LAMA5: variants seen among roughly 807,000 people sequenced by gnomAD.
The protein encoded by LAMA5 is laminin subunit alpha-5.
In LAMA5, 260 loss-of-function variants were observed where a neutral mutation model predicts 433.4. The observed-to-expected ratio is 0.60, with a 90% CI of 0.54 to 0.66. The LOEUF (loss-of-function observed/expected upper bound fraction) is 0.66. LAMA5 is among the 30% of genes least tolerant of loss of function. The probability of loss-of-function intolerance (pLI) is 0.00; values close to 1 mark genes in which losing one functional copy is unlikely to be tolerated. For synonymous variants in LAMA5, 2,620 were observed against 2,226.6 expected (o/e 1.18, Z -4.97); for missense variants, 5,378 against 5,258.5 (o/e 1.02, Z -0.70).
rs1486854190 is a variant in LAMA5 at position 62,325,411 on chromosome 20, C to T, written c.5434G>A (p.Ala1812Thr). 2 of 1,611,838 alleles carry T rather than the reference C, an allele frequency of 1.2e-6. No individual in the cohort carries two copies. The highest frequency in any genetic ancestry group is 3.3e-5 in the Admixed American group (2 of 59,938). The change falls in exon 41 of 80, where the codon GCA (alanine) becomes ACA (threonine). Residue 1812 changes from alanine (A) to threonine (T), a missense_variant. Physicochemically the swap from Ala to Thr is moderately conservative, Grantham distance 58 (BLOSUM62 0). Transcript: ENST00000252999. The stretch of plus-strand genomic sequence containing the variant: ...CCTGCTGGGCTGGCCACCTCCAGTG[C>T]CACCCTGCGCAGGAAGACAGCCGAG... ...ISSAVFLRRV[A>T]LEVASPAGQG...
rs1390457714 is a variant in LAMA5, at chr20:62,309,214, CT to C, written c.*121del. The C allele has an allele frequency of 1.3e-5, 13 of 1,004,788 alleles. No homozygotes were observed. Among genetic ancestry groups the C allele is most frequent in the Non-Finnish European group, 1.8e-5 (13 of 716,478 alleles). The allele number at this position is 1,004,788 out of a possible 1,614,324, so 62.2% of individuals were successfully genotyped here. A position where few individuals can be genotyped will look rare whatever the true frequency, so the allele number is the denominator to read the frequency against. On this transcript the variant is annotated 3_prime_UTR_variant, in exon 80 of 80. Coordinates refer to ENST00000252999, the MANE Select transcript of LAMA5 (RefSeq NM_005560.6). ...TTTAAGAAGCTATAACTTAAACCAT[CT>C]TCAGAAACAAGATCTGTCACCCGTA...
At chr20:62,338,683 C>T (rs1359067339) in intron 11 of LAMA5, 75 bp from the exon 12 acceptor site, 1 of 1,405,082 alleles carries the variant, frequency 7.1e-7, no homozygotes, top group East Asian at 2.4e-5. Context: ...CAAACCTTCC[C>T]TCTCCACAAA....
intron 65 of LAMA5, 32 bp downstream of exon 65, chr20:62,313,056 T>G (rs1226163355): frequency 1.2e-6 from 2 of 1,603,924 alleles, no homozygotes; most frequent in Non-Finnish European, 1.7e-6. Flanking sequence ...TCAGTGCAAG[T>G]GGGGATGGCA....
intron 34 of LAMA5, 131 bp from the exon 35 acceptor site, chr20:62,328,576 G>T: frequency 2.0e-6 from 2 of 996,564 alleles, no homozygotes; most frequent in Non-Finnish European, 2.9e-6. Flanking sequence ...CCCCTGCCCC[G>T]GGTGCTGAGC....
chr20:62,316,936 C>A lies in LAMA5; in HGVS notation c.7599G>T (p.Gln2533His). 1 of 1,562,148 alleles carries A rather than the reference C, an allele frequency of 6.4e-7. No individual in the cohort carries two copies. Among genetic ancestry groups the A allele is most frequent in the Non-Finnish European group, 8.7e-7 (1 of 1,151,008 alleles). The stretch of plus-strand genomic sequence containing the variant: ...CCTGGCCAGCAGCATCCTCGGCAGC[C>A]TGCACGGCCTGCAGGATGCGGCTGT... ...NAYSRILQAV[Q>H]AAEDAAGQAL... The change falls in exon 56 of 80, where the codon CAG (glutamine) becomes CAT (histidine). Residue 2533 changes from glutamine (Q) to histidine (H), a missense_variant. Physicochemically the swap from Gln to His is conservative, Grantham distance 24 (BLOSUM62 0). Coordinates refer to ENST00000252999, the MANE Select transcript of LAMA5 (RefSeq NM_005560.6).
chr20:62,321,283 G>C (rs1231130082), intron 48 of LAMA5, among the ~76,000 whole-genome samples: 10 of 100,380 alleles, frequency 1.0e-4, no homozygotes, highest in South Asian at 3.7e-4. Context: ...GAAGGGGTGG[G>C]GCCGGTGGAG....
At position 62,312,981 on chromosome 20, in the gene LAMA5, T is replaced by C. The variant is rs758212011; in HGVS notation, c.8985A>G (p.Glu2995=). The part of the protein sequence containing the change: ...QSQFLCLAVQ[E]GSLVLLYDFG... ...AGTCATACAACAGCACGAGGCTGCC[T>C]TCTTGCACGGCCAAGCACAGGAACT... The change falls in exon 66 of 80, where the codon GAA becomes GAG. Residue 2995 remains glutamate (E), a synonymous_variant. Coordinates refer to ENST00000252999, the MANE Select transcript of LAMA5 (RefSeq NM_005560.6). 15 of 1,581,214 alleles carry C rather than the reference T, an allele frequency of 9.5e-6. No individual in the cohort carries two copies. Among genetic ancestry groups the C allele is most frequent in the Non-Finnish European group, 1.3e-5 (15 of 1,161,524 alleles).
rs113371619 is a variant in LAMA5 at position 62,327,635 on chromosome 20, C to T, written c.4832G>A (p.Ser1611Asn). 323 of 1,613,194 alleles carry T rather than the reference C, an allele frequency of 2.0e-4. 4 individuals are homozygous for T. The African/African-American group carries it at 3.3e-3, about 17-fold the overall frequency. The change falls in exon 37 of 80, where the codon AGC (serine) becomes AAC (asparagine). Residue 1611 changes from serine to asparagine, a missense_variant. By Grantham distance (46) the Ser-to-Asn change is conservative (BLOSUM62 1). Transcript: ENST00000252999. ...NVQGPKCDQCSLGTFSLDAAN... is the reference protein window; with the variant it reads ...NVQGPKCDQCNLGTFSLDAAN... The stretch of plus-strand genomic sequence containing the variant: ...AGCATCCAGTGAGAAGGTCCCAAGG[C>T]TGCACTGGTCACATTTGGGGCCCTG...
intron 29 of LAMA5, 41 bp downstream of exon 29, chr20:62,330,991 C>A (rs763804571): frequency 1.3e-6 from 2 of 1,570,688 alleles, no homozygotes; most frequent in South Asian, 1.2e-5. Context: ...TGCCGCCGGG[C>A]CCTCGGCCGC....
At chr20:62,348,633 G>C (rs1333322156) in intron 6 of LAMA5, among the ~76,000 whole-genome samples, 1 of 151,784 alleles carries the variant, frequency 6.6e-6, no homozygotes, top group Non-Finnish European at 1.5e-5. Context: ...AAATAAAAAA[G>C]AAATCTAAAA....
intron 63 of LAMA5, 88 bp from the exon 64 acceptor site, chr20:62,313,548 G>T: frequency 6.4e-7 from 1 of 1,563,246 alleles, no homozygotes; most frequent in Non-Finnish European, 8.7e-7. Context: ...ACAGCAGGAC[G>T]GACTGAGGCA....
chr20:62,361,201 G>T (rs576304838), intron 2 of LAMA5, among the ~76,000 whole-genome samples: 40 of 152,154 alleles, frequency 2.6e-4, no homozygotes, highest in African/African-American at 9.4e-4. Context: ...GGAGTCAGAT[G>T]CGGGGAAACC....
chr20:62,326,395 G>A, intron 40 of LAMA5: 2 of 369,892 alleles, frequency 5.4e-6, no homozygotes, highest in Non-Finnish European at 9.8e-6. Context: ...ATGCTAACAG[G>A]CAGTGCATGG....
Position 62,329,914 on chromosome 20 carries a change from G to A in LAMA5, c.3982C>T (p.His1328Tyr). 1.2e-6 allele frequency: 2 copies of A among 1,610,974 alleles called. No homozygotes were observed. The highest frequency in any genetic ancestry group is 1.7e-6 in the Non-Finnish European group (2 of 1,179,648). The stretch of plus-strand genomic sequence containing the variant: ...TGTGGACAGAAGCTGGCGTTGGCGT[G>A]GCCTGGGCGGGGGAGAAAGGCAGGG... ...LINAGRVWQG[H>Y]ANASFCPHGY... Residue 1328 changes from histidine to tyrosine, a missense_variant and splice_region_variant, in exon 32 of 80, where the codon CAC (histidine) becomes TAC (tyrosine). Coordinates refer to ENST00000252999, the MANE Select transcript of LAMA5 (RefSeq NM_005560.6).
chr20:62,323,686 G>A lies in LAMA5; in HGVS notation c.5850-16C>T. The stretch of plus-strand genomic sequence containing the variant: ...GGGCGCACACCTGGGAGCAGGGTGG[G>A]GAGGGGCCGTCAGTGGCCCGTGGCG... On this transcript the variant is annotated splice_polypyrimidine_tract_variant and intron_variant, in intron 44 of 79. Coordinates refer to ENST00000252999, the MANE Select transcript of LAMA5 (RefSeq NM_005560.6). 6.3e-7 allele frequency: 1 copy of A among 1,599,960 alleles called. No homozygotes were observed. Among genetic ancestry groups the A allele is most frequent in the South Asian group, 1.1e-5 (1 of 89,896 alleles).
rs1985688203 is a variant in LAMA5 at position 62,359,302 on chromosome 20, C to T, written c.450+3098G>A. Among the ~76,000 whole-genome samples the T allele has an allele frequency of 6.6e-6, 1 of 152,316 alleles. No homozygotes were observed. The highest frequency in any genetic ancestry group is 2.4e-5 in the African/African-American group (1 of 41,586). ...GAGAGGGAGGGGACACAGGCCAGAG[C>T]CAGCCCCACTCACCCTGCCCAGCTC... On this transcript the variant is annotated intron_variant, in intron 2 of 79. Coordinates refer to ENST00000252999, the MANE Select transcript of LAMA5 (RefSeq NM_005560.6). The surrounding 1 kb of genome is among the most constrained non-coding windows in gnomAD (Gnocchi z 4.3).
chr20:62,337,005 G>T (rs762405193), intron 16 of LAMA5: 2 of 684,970 alleles, frequency 2.9e-6, no homozygotes, highest in East Asian at 5.5e-5. Context: ...GGACATGCAC[G>T]CAAACGTGCA....
Position 62,332,831 on chromosome 20 carries a change from C to A in LAMA5, c.3283-114G>T, listed in dbSNP as rs1980736795. On this transcript the variant is annotated intron_variant, in intron 26 of 79. Transcript: ENST00000252999. ...GGGCCTGCCCTTCAGCCGAGTCCCA[C>A]CCTGGCCCGGACATCTCCAGGCAAG... The A allele has an allele frequency of 1.2e-5, 16 of 1,346,394 alleles. No individual in the cohort carries two copies. In the South Asian group the frequency reaches 1.6e-4, roughly 14 times the overall value. 83.4% of individuals were successfully genotyped at this position (1,346,394 alleles called of 1,614,324 possible).
At position 62,346,765 on chromosome 20, in the gene LAMA5, A is replaced by G; in HGVS notation, c.1108T>C (p.Tyr370His). ...CGGCGCCGGTCCACCTCAGGGTCGT[A>G]GTAACAGTCGGTGGCATGGCCGTAG... ...NCYGHATDCY[Y>H]DPEVDRRRAS... The change falls in exon 8 of 80, where the codon TAC becomes CAC. Residue 370 changes from tyrosine to histidine, a missense_variant. By Grantham distance (83) the Tyr-to-His change is moderately conservative. Coordinates refer to ENST00000252999, the MANE Select transcript of LAMA5 (RefSeq NM_005560.6). The G allele has an allele frequency of 1.2e-6, 2 of 1,612,802 alleles. No homozygotes were observed.
Sources: allele counts gnomAD v4.1 joint callset (sites outside exome capture counted in the v4.1 genomes callset), GRCh38; gene constraint gnomAD v4.1.1; non-coding constraint Gnocchi (gnomAD v3.1); transcripts MANE v1.5; gene names NCBI Gene and HGNC (gene_info 2026-07-23, HGNC 2026-07-21).